Variants in WWOX observed in about 807,000 individuals in gnomAD.
WWOX encodes the protein WW domain-containing oxidoreductase.
In WWOX, 69 loss-of-function variants were observed where a neutral mutation model predicts 46.2. That is an observed-to-expected ratio of 1.49 (90% CI 1.23 to 1.82). The LOEUF (loss-of-function observed/expected upper bound fraction) is 1.82. Ranked by LOEUF, WWOX falls within the 40% of genes most tolerant of loss-of-function variation. WWOX has a pLI of 0.00. For synonymous variants in WWOX, 359 were observed against 202.6 expected, an observed-to-expected ratio of 1.77 and a Z score of -6.56; for missense variants, 919 against 542.6, an observed-to-expected ratio of 1.69 and a Z score of -6.89.
At chr16:78,569,530 A>G (rs1278477339) in intron 8 of WWOX, among the ~76,000 whole-genome samples, 2 of 152,210 alleles carry the variant, frequency 1.3e-5, no homozygotes, top group East Asian at 1.9e-4. Context: ...CTTTTTGTAC[A>G]TATATGATTA....
At chr16:79,187,193 C>T (rs1003418683) in intron 8 of WWOX, among the ~76,000 whole-genome samples, 43 of 152,124 alleles carry the variant, frequency 2.8e-4, no homozygotes, top group African/African-American at 8.4e-4. Context: ...TTAAATGCTG[C>T]GTACTTCATT....
At chr16:79,092,915 G>A (rs1432300780) in intron 8 of WWOX, among the ~76,000 whole-genome samples, 1 of 152,172 alleles carries the variant, frequency 6.6e-6, no homozygotes, top group Admixed American at 6.5e-5. Context: ...CATTTTCATG[G>A]ATGGACATGT....
intron 8 of WWOX, among the ~76,000 whole-genome samples, chr16:79,054,558 A>C (rs998815405): frequency 5.3e-5 from 8 of 152,202 alleles, no homozygotes; most frequent in Non-Finnish European, 1.2e-4. Context: ...ACAGTGGCTC[A>C]CACCTGTAAT....
In WWOX at chr16:78,634,705, T is replaced by TAA. The variant is rs60805816; in HGVS notation, c.1056+201971_1056+201972dup. ...TGGGTGACAGAGCAAGACTCTGTGT[T>TAA]AAAAAAAAAAAAAAAAAAAGTTCTA... On this transcript the variant is annotated intron_variant, in intron 8 of 8. Coordinates refer to ENST00000566780, the MANE Select transcript of WWOX (RefSeq NM_016373.4). Among the ~76,000 whole-genome samples the TAA allele has an allele frequency of 2.1e-3, 276 of 133,410 alleles. 1 individual carries two copies. The highest frequency in any genetic ancestry group is 5.8e-3 in the African/African-American group (205 of 35,336). The allele number at this position is 133,410 out of a possible 152,430, so 87.5% of individuals were successfully genotyped here.
intron 8 of WWOX, among the ~76,000 whole-genome samples, chr16:78,713,301 A>AAT (rs2048485245): frequency 6.8e-6 from 1 of 147,748 alleles, no homozygotes; most frequent in Non-Finnish European, 1.5e-5. Flanking sequence ...AAAAAAAAAA[A>AAT]GCTAGTAGCA....
chr16:78,699,914 G>A (rs568078155), intron 8 of WWOX, among the ~76,000 whole-genome samples: 1 of 152,240 alleles, frequency 6.6e-6, no homozygotes, highest in East Asian at 1.9e-4. Flanking sequence ...CCGTCCCTAT[G>A]AGGGGGACAT....
chr16:78,489,518 A>C (rs1834963400), intron 8 of WWOX, among the ~76,000 whole-genome samples: 1 of 151,852 alleles, frequency 6.6e-6, no homozygotes, highest in Non-Finnish European at 1.5e-5. Context: ...TTCAGTTTTC[A>C]TTCTCCCCTT....
At chr16:78,179,971 G>T (rs1435220952) in intron 5 of WWOX, among the ~76,000 whole-genome samples, 1 of 152,172 alleles carries the variant, frequency 6.6e-6, no homozygotes, top group Admixed American at 6.5e-5. Flanking sequence ...TTGTAGGAGG[G>T]GACAGATCGG....
chr16:78,882,253 G>A (rs181861530), intron 8 of WWOX, among the ~76,000 whole-genome samples: 39 of 152,166 alleles, frequency 2.6e-4, no homozygotes, highest in Non-Finnish European at 3.8e-4. Context: ...AGTTTTCAAA[G>A]TCTTTGACAA....
intron 8 of WWOX, among the ~76,000 whole-genome samples, chr16:78,862,673 C>T (rs149985409): frequency 6.6e-6 from 1 of 152,090 alleles, no homozygotes; most frequent in Non-Finnish European, 1.5e-5. Context: ...ATATCCAAGT[C>T]TGAGTCCAAG....
At chr16:78,806,496 C>G (rs2051041075) in intron 8 of WWOX, among the ~76,000 whole-genome samples, 1 of 152,148 alleles carries the variant, frequency 6.6e-6, no homozygotes, top group Admixed American at 6.5e-5. Flanking sequence ...CTGAGATCAT[C>G]TGAAGGTTGT....
intron 5 of WWOX, among the ~76,000 whole-genome samples, chr16:78,262,341 C>A (rs982678681): frequency 1.8e-4 from 28 of 152,140 alleles, no homozygotes; most frequent in African/African-American, 6.5e-4. Context: ...TTCTGCTATT[C>A]TGATCTTCCT....
chr16:78,376,645 C>A (rs1416054510), intron 5 of WWOX, among the ~76,000 whole-genome samples: 1 of 152,142 alleles, frequency 6.6e-6, no homozygotes, highest in Non-Finnish European at 1.5e-5. Flanking sequence ...CTGTTCTGTT[C>A]GTTGTAAGAT....
At chr16:78,434,078 C>T (rs1226512565) in intron 8 of WWOX, among the ~76,000 whole-genome samples, 8 of 152,090 alleles carry the variant, frequency 5.3e-5, no homozygotes, top group East Asian at 1.9e-4. Context: ...CGTGAGCCAC[C>T]GCGCCCGGCC....
At chr16:79,048,755 C>T (rs2048112122) in intron 8 of WWOX, among the ~76,000 whole-genome samples, 1 of 152,212 alleles carries the variant, frequency 6.6e-6, no homozygotes, top group Non-Finnish European at 1.5e-5. Flanking sequence ...ACTCCGGCTG[C>T]TGCCAGTGGA....
intron 8 of WWOX, among the ~76,000 whole-genome samples, chr16:79,099,648 C>G (rs962526301): frequency 4.6e-5 from 7 of 151,658 alleles, no homozygotes; most frequent in Admixed American, 3.9e-4. Context: ...ATATTGGCAA[C>G]TAATTCAATT....
rs1019413045 is a variant in WWOX, at chr16:78,988,422, T to G, written c.1057-223186T>G. 4.0e-5 allele frequency among the ~76,000 whole-genome samples: 6 copies of G among 151,634 alleles called. No individual in the cohort carries two copies. In the East Asian group the frequency reaches 1.2e-3, roughly 29 times the overall value. ...TAATAGGGGTGGCTGTCACCATCCT[T>G]GGCCAAGGAGAGGGAGCAGATACTG... is the stretch of plus-strand genomic sequence containing the variant. On this transcript the variant is annotated intron_variant, in intron 8 of 8. Coordinates refer to ENST00000566780, the MANE Select transcript of WWOX (RefSeq NM_016373.4).
At chr16:78,619,575 A>G (rs957990791) in intron 8 of WWOX, among the ~76,000 whole-genome samples, 1 of 151,782 alleles carries the variant, frequency 6.6e-6, no homozygotes, top group African/African-American at 2.4e-5. Flanking sequence ...CAATTTGTTA[A>G]ATACAGAAGT....
intron 8 of WWOX, among the ~76,000 whole-genome samples, chr16:78,435,249 G>A (rs544219571): frequency 6.6e-6 from 1 of 152,220 alleles, no homozygotes; most frequent in Admixed American, 6.5e-5. Context: ...AGTGAGCACC[G>A]TACCTGTAGT....
Sources: allele counts gnomAD v4.1 joint callset (sites outside exome capture counted in the v4.1 genomes callset), GRCh38; gene constraint gnomAD v4.1.1; transcripts MANE v1.5; gene names NCBI Gene and HGNC (gene_info 2026-07-23, HGNC 2026-07-21).